Variants in HTR1F observed in about 807,000 individuals in gnomAD.
HTR1F encodes 5-hydroxytryptamine receptor 1F, also known as 5-hydroxytryptamine (serotonin) receptor 1F, G protein-coupled.
In HTR1F, 17 loss-of-function variants were observed where a neutral mutation model predicts 24.0. The ratio of observed to expected loss-of-function variants is 0.71; its 90% CI spans 0.48 to 1.06. The LOEUF (loss-of-function observed/expected upper bound fraction) is 1.06, where lower values mean the gene tolerates loss of function less well. Among genes scored for constraint, HTR1F ranks in the 50% least tolerant of loss-of-function variants. The probability of loss-of-function intolerance (pLI) is 0.00; values close to 1 mark genes in which losing one functional copy is unlikely to be tolerated. For synonymous variants in HTR1F, 186 were observed against 156.8 expected (o/e 1.19, Z -1.39); for missense variants, 391 against 427.8 (o/e 0.91, Z 0.76).
At chr3:87,859,995 A>G (rs1407825585) in intron 2 of HTR1F, among the ~76,000 whole-genome samples, 4 of 152,194 alleles carry the variant, frequency 2.6e-5, no homozygotes, top group Non-Finnish European at 5.9e-5. Flanking sequence ...TAATAACAAA[A>G]AGGCAGAAAC....
intron 2 of HTR1F, among the ~76,000 whole-genome samples, chr3:87,904,675 A>T (rs1249273028): frequency 6.6e-6 from 1 of 152,158 alleles, no homozygotes; most frequent in Non-Finnish European, 1.5e-5. Context: ...AGCACTAACT[A>T]CTACTGCATG....
chr3:87,968,540 A>T (rs1705216515), intron 2 of HTR1F, among the ~76,000 whole-genome samples: 1 of 152,090 alleles, frequency 6.6e-6, no homozygotes, highest in Non-Finnish European at 1.5e-5. Flanking sequence ...AGCAGCAAAG[A>T]ATTCAAGAGG....
chr3:87,883,390 T>C (rs1456437891), intron 2 of HTR1F, among the ~76,000 whole-genome samples: 1 of 151,698 alleles, frequency 6.6e-6, no homozygotes, highest in East Asian at 1.9e-4. Flanking sequence ...AAGCTGAAAA[T>C]TCTAAAAACC....
chr3:87,825,961 T>A (rs1022481699), intron 2 of HTR1F, among the ~76,000 whole-genome samples: 1 of 152,216 alleles, frequency 6.6e-6, no homozygotes, highest in African/African-American at 2.4e-5. Flanking sequence ...AGTTTAACTA[T>A]GTTTTACTTT....
chr3:87,854,761 G>A (rs574839317), intron 2 of HTR1F, among the ~76,000 whole-genome samples: 2 of 151,932 alleles, frequency 1.3e-5, no homozygotes, highest in East Asian at 3.9e-4. Context: ...TACTCTTTTT[G>A]CATTTTTGTT....
chr3:87,903,898 G>C (rs893153326), intron 2 of HTR1F, among the ~76,000 whole-genome samples: 2 of 152,160 alleles, frequency 1.3e-5, no homozygotes, highest in Non-Finnish European at 2.9e-5. Context: ...ATGATACACA[G>C]CTAAGAATTT....
At chr3:87,863,949 T>C (rs1705369335) in intron 2 of HTR1F, among the ~76,000 whole-genome samples, 1 of 152,226 alleles carries the variant, frequency 6.6e-6, no homozygotes, top group Non-Finnish European at 1.5e-5. Context: ...GAATATATTC[T>C]TTTTTGTCTT....
intron 2 of HTR1F, among the ~76,000 whole-genome samples, chr3:87,934,116 T>G (rs142111982): frequency 1.3e-5 from 2 of 152,342 alleles, no homozygotes; most frequent in East Asian, 3.9e-4. Context: ...AAGCTATTCA[T>G]CAGTGAGCTA....
chr3:87,822,503 A>G (rs1276391401), intron 2 of HTR1F, among the ~76,000 whole-genome samples: 1 of 152,230 alleles, frequency 6.6e-6, no homozygotes, highest in South Asian at 2.1e-4. Context: ...ATATTTAACC[A>G]TCTTCTCAAT....
At chr3:87,882,352 A>G (rs1705823461) in intron 2 of HTR1F, among the ~76,000 whole-genome samples, 1 of 152,202 alleles carries the variant, frequency 6.6e-6, no homozygotes, top group Admixed American at 6.5e-5. Flanking sequence ...CCATCCCATT[A>G]CTGGGTATAT....
intron 2 of HTR1F, among the ~76,000 whole-genome samples, chr3:87,983,999 C>CA (rs549874504): frequency 1.3e-5 from 2 of 152,226 alleles, no homozygotes; most frequent in Non-Finnish European, 2.9e-5. Context: ...TGACTGCCTA[C>CA]AAAATAAAAC....
intron 2 of HTR1F, among the ~76,000 whole-genome samples, chr3:87,841,851 G>C (rs1415407511): frequency 7.7e-6 from 1 of 129,162 alleles, no homozygotes; most frequent in African/African-American, 3.0e-5. Flanking sequence ...AGTGAGCTGA[G>C]ATCATGCCAC....
At chr3:87,965,326 A>T (rs140479336) in intron 2 of HTR1F, among the ~76,000 whole-genome samples, 1 of 152,300 alleles carries the variant, frequency 6.6e-6, no homozygotes, top group East Asian at 1.9e-4. Flanking sequence ...ATTCTACATT[A>T]TGGAGTCTAA....
chr3:87,931,642 T>G (rs1184209700), intron 2 of HTR1F, among the ~76,000 whole-genome samples: 1 of 152,116 alleles, frequency 6.6e-6, no homozygotes, highest in Non-Finnish European at 1.5e-5. Context: ...CCACAATGGT[T>G]GAACTAGTTT....
At chr3:87,827,123 C>CTTT (rs61445115) in intron 2 of HTR1F, among the ~76,000 whole-genome samples, 38 of 143,634 alleles carry the variant, frequency 2.6e-4, no homozygotes, top group African/African-American at 9.7e-4. Flanking sequence ...TTCTTTCTTT[C>CTTT]TTTTTTTTTT....
chr3:87,968,534 G>C (rs1705216339), intron 2 of HTR1F, among the ~76,000 whole-genome samples: 1 of 152,028 alleles, frequency 6.6e-6, no homozygotes, highest in South Asian at 2.1e-4. Flanking sequence ...TTTCTAAGCA[G>C]CAAAGAATTC....
intron 2 of HTR1F, among the ~76,000 whole-genome samples, chr3:87,893,667 T>C (rs1310408253): frequency 1.3e-5 from 2 of 152,242 alleles, no homozygotes; most frequent in African/African-American, 4.8e-5. Flanking sequence ...TCCATGCCAA[T>C]GGCTCTTGAC....
At chr3:87,880,182 G>A (rs1705759202) in intron 2 of HTR1F, among the ~76,000 whole-genome samples, 2 of 152,150 alleles carry the variant, frequency 1.3e-5, no homozygotes, top group South Asian at 4.1e-4. Context: ...TAACGAGAAT[G>A]ATGGACTGAA....
intron 2 of HTR1F, among the ~76,000 whole-genome samples, chr3:87,827,549 A>C (rs1408009948): frequency 6.6e-6 from 1 of 152,244 alleles, no homozygotes; most frequent in Non-Finnish European, 1.5e-5. Flanking sequence ...TCTCATTTGC[A>C]TGAAAATAGC....
Sources: gnomAD v4.1 joint callset for allele counts (sites outside exome capture counted in the v4.1 genomes callset) on GRCh38, gnomAD v4.1.1 for gene constraint, MANE v1.5 for transcripts, NCBI Gene and HGNC (gene_info 2026-07-23, HGNC 2026-07-21) for gene names.